Variants in KIAA0825 observed in about 807,000 individuals in gnomAD.
KIAA0825 encodes the protein KIAA0825.
A neutral mutation model predicts 147.6 loss-of-function variants in KIAA0825; 119 were observed. That is an observed-to-expected ratio of 0.81 (90% CI 0.69 to 0.94). The LOEUF (loss-of-function observed/expected upper bound fraction) is 0.94. Among genes scored for constraint, KIAA0825 ranks in the 40% least tolerant of loss-of-function variants. The pLI, the probability that KIAA0825 is intolerant of heterozygous loss-of-function variation, is 0.00. For synonymous variants in KIAA0825, 470 were observed against 518.1 expected (o/e 0.91, Z 1.26); for missense variants, 1,381 against 1,472.7 (o/e 0.94, Z 1.02).
intron 3 of KIAA0825, among the ~76,000 whole-genome samples, chr5:94,530,660 T>G (rs564889270): frequency 5.9e-5 from 9 of 152,300 alleles, no homozygotes; most frequent in African/African-American, 2.2e-4. Flanking sequence ...CCTGGCAAAG[T>G]TGACAGGCTT....
intron 20 of KIAA0825, among the ~76,000 whole-genome samples, chr5:94,246,812 C>T (rs1036826932): frequency 2.6e-5 from 4 of 152,146 alleles, no homozygotes; most frequent in African/African-American, 9.7e-5. Context: ...AAGCCAAGAT[C>T]CAAACCCAGA....
intron 14 of KIAA0825, 61 bp downstream of exon 14, chr5:94,439,921 T>C: frequency 6.7e-7 from 1 of 1,486,594 alleles, no homozygotes; most frequent in Non-Finnish European, 9.0e-7. Flanking sequence ...GAAAAAAATG[T>C]TATTCAACTC....
At chr5:94,348,897 C>T (rs1230511442) in intron 20 of KIAA0825, among the ~76,000 whole-genome samples, 2 of 152,002 alleles carry the variant, frequency 1.3e-5, no homozygotes, top group Non-Finnish European at 2.9e-5. Flanking sequence ...AAATAAAATC[C>T]GAAGTACACA....
Position 94,495,283 on chromosome 5 carries a change from A to G in KIAA0825, c.971-10353T>C, listed in dbSNP as rs1275095529. ...TGTGATGGCACTTTGTAAATTTTAT[A>G]GTTAATCTTACCTTTTTAGCTGCCT... is the stretch of plus-strand genomic sequence containing the variant. On this transcript the variant is annotated intron_variant, in intron 5 of 20. Transcript: ENST00000682413. 2.6e-5 allele frequency among the ~76,000 whole-genome samples: 4 copies of G among 152,212 alleles called. No individual in the cohort carries two copies. The East Asian group carries it at 5.8e-4, about 22-fold the overall frequency.
intron 20 of KIAA0825, among the ~76,000 whole-genome samples, chr5:94,156,557 C>T (rs137901163): frequency 1.6e-4 from 25 of 152,256 alleles, no homozygotes; most frequent in East Asian, 9.6e-4. Flanking sequence ...AGTCTCTCTG[C>T]TTCATTAAAA....
intron 20 of KIAA0825, among the ~76,000 whole-genome samples, chr5:94,311,079 T>C (rs116672774): frequency 1.3e-5 from 2 of 151,624 alleles, no homozygotes; most frequent in Admixed American, 6.6e-5. Flanking sequence ...CAGTGTGCAA[T>C]AGGTTTATGC....
intron 20 of KIAA0825, among the ~76,000 whole-genome samples, chr5:94,334,176 T>C (rs1781559739): frequency 6.6e-6 from 1 of 152,168 alleles, no homozygotes; most frequent in Non-Finnish European, 1.5e-5. Context: ...CCATAAACTA[T>C]GCTTTTTAAC....
intron 2 of KIAA0825, among the ~76,000 whole-genome samples, chr5:94,546,518 AG>A (rs1774407607): frequency 9.2e-5 from 3 of 32,736 alleles, no homozygotes. Flanking sequence ...GGCTCAGCAC[AG>A]AGAGAGAGAG....
chr5:94,477,778 A>C (rs996201841), intron 6 of KIAA0825, among the ~76,000 whole-genome samples: 4 of 152,144 alleles, frequency 2.6e-5, no homozygotes, highest in Non-Finnish European at 4.4e-5. Flanking sequence ...GAAAATGGAA[A>C]TATTTCCACA....
intron 1 of KIAA0825, chr5:94,594,782 C>CT: frequency 1.8e-6 from 1 of 561,220 alleles, no homozygotes; most frequent in South Asian, 1.5e-5. Flanking sequence ...TTAGAGAAGT[C>CT]GAATCATGAT....
intron 1 of KIAA0825, among the ~76,000 whole-genome samples, chr5:94,598,143 A>G (rs1281791695): frequency 6.6e-6 from 1 of 151,984 alleles, no homozygotes. Context: ...TATAAACTTA[A>G]AATTATTTTT....
chr5:94,606,059 A>G (rs1182894345), intron 1 of KIAA0825, among the ~76,000 whole-genome samples: 2 of 152,226 alleles, frequency 1.3e-5, no homozygotes, highest in African/African-American at 4.8e-5. Context: ...CAACTTCAGC[A>G]AAGTTTCAGG....
chr5:94,431,382 T>A (rs953491140), intron 14 of KIAA0825, among the ~76,000 whole-genome samples: 2 of 152,214 alleles, frequency 1.3e-5, no homozygotes, highest in Non-Finnish European at 2.9e-5. Flanking sequence ...TAAAGCATGT[T>A]CTATGCTGTC....
chr5:94,462,459 T>C lies in KIAA0825; in HGVS notation c.2174A>G (p.Lys725Arg). Reference protein sequence around the residue: ...PHQHTDDKIFKIHTHCNNLFT... With the variant: ...PHQHTDDKIFRIHTHCNNLFT... ...CAGATTATTACAATGAGTGTGAATT[T>C]TAAAAATTTTATCATCTGTATGCTG... Residue 725 changes from lysine (K) to arginine (R), a missense_variant, in exon 12 of 21, where the codon AAA becomes AGA. Coordinates refer to ENST00000682413, the MANE Select transcript of KIAA0825 (RefSeq NM_001145678.3). The C allele has an allele frequency of 3.9e-6, 6 of 1,529,782 alleles. No homozygotes were observed. The highest frequency in any genetic ancestry group is 5.3e-6 in the Non-Finnish European group (6 of 1,128,676). 94.8% of individuals were successfully genotyped at this position (1,529,782 alleles called of 1,614,324 possible).
chr5:94,541,294 T>A (rs1773254411), intron 2 of KIAA0825, among the ~76,000 whole-genome samples: 2 of 152,190 alleles, frequency 1.3e-5, no homozygotes, highest in South Asian at 4.1e-4. Flanking sequence ...ATCCCATACT[T>A]ACCAAGGTTT....
chr5:94,403,501 C>T lies in KIAA0825; in HGVS notation c.2887+68G>A, dbSNP rs532657005. The T allele has an allele frequency of 1.2e-4, 140 of 1,178,520 alleles. No individual in the cohort carries two copies. The African/African-American group carries it at 1.8e-3, about 15-fold the overall frequency. 73.0% of individuals were successfully genotyped at this position (1,178,520 alleles called of 1,614,324 possible). Reference sequence around the variant, plus strand: ...CATTCTTATAAATTTTAGAATTTTACTTGATTACATACCCTAGAAAATTGC... The same window carrying T: ...CATTCTTATAAATTTTAGAATTTTATTTGATTACATACCCTAGAAAATTGC... On this transcript the variant is annotated intron_variant, in intron 16 of 20. Transcript: ENST00000682413.
chr5:94,237,282 C>T (rs1342003566), intron 20 of KIAA0825, among the ~76,000 whole-genome samples: 3 of 152,054 alleles, frequency 2.0e-5, no homozygotes, highest in Admixed American at 2.0e-4. Flanking sequence ...GTGATGGACA[C>T]ACTAAAGAGA....
At chr5:94,164,094 A>G (rs1767815694) in intron 20 of KIAA0825, among the ~76,000 whole-genome samples, 1 of 152,238 alleles carries the variant, frequency 6.6e-6, no homozygotes, top group Admixed American at 6.5e-5. Flanking sequence ...TTATTTATCT[A>G]GCAAACATTT....
chr5:94,456,209 T>G (rs920196798), intron 12 of KIAA0825, among the ~76,000 whole-genome samples: 3 of 152,186 alleles, frequency 2.0e-5, no homozygotes, highest in African/African-American at 7.2e-5. Context: ...TCCCTCACAC[T>G]TCTTTGATCT....
Sources: gnomAD v4.1 joint callset for allele counts (sites outside exome capture counted in the v4.1 genomes callset) on GRCh38, gnomAD v4.1.1 for gene constraint, MANE v1.5 for transcripts, NCBI Gene and HGNC (gene_info 2026-07-23, HGNC 2026-07-21) for gene names.